The following UNC13C variants were observed in gnomAD, a reference collection of about 807,000 sequenced individuals.
UNC13C encodes the protein protein unc-13 homolog C.
Under a neutral mutation model 245.4 loss-of-function variants are expected in UNC13C, and 174 were observed. The observed-to-expected ratio is 0.71, with a 90% CI of 0.63 to 0.80. The LOEUF is 0.80. Among genes scored for constraint, UNC13C ranks in the 30% least tolerant of loss-of-function variants. The pLI, the probability that UNC13C is intolerant of heterozygous loss-of-function variation, is 0.00. For missense variants in UNC13C, 2,829 were observed against 2,602.9 expected (o/e 1.09, Z -1.89); for synonymous variants, 992 against 895.1 (o/e 1.11, Z -1.93).
chr15:54,484,090 A>AG (rs1487444052), intron 19 of UNC13C, among the ~76,000 whole-genome samples: 1 of 151,864 alleles, frequency 6.6e-6, no homozygotes, highest in Non-Finnish European at 1.5e-5. Flanking sequence ...CTGAAAAAAA[A>AG]AAACCAGCAT....
intron 30 of UNC13C, among the ~76,000 whole-genome samples, chr15:54,587,986 C>A (rs1212892050): frequency 6.6e-6 from 1 of 152,136 alleles, no homozygotes; most frequent in Admixed American, 6.5e-5. Context: ...GGGCACAATG[C>A]ATGGGTGAAT....
At chr15:54,276,644 G>A (rs11635242) in intron 10 of UNC13C, among the ~76,000 whole-genome samples, 81,349 of 151,876 alleles carry the variant, frequency 0.54, 23,563 homozygotes, top group African/African-American at 0.76. Context: ...TAATGGGCTA[G>A]TTAGGATGTA....
At chr15:54,219,003 C>T (rs8026107) in intron 4 of UNC13C, among the ~76,000 whole-genome samples, 20,921 of 150,970 alleles carry the variant, frequency 0.14, 1,394 homozygotes, top group South Asian at 0.2. Flanking sequence ...GAATCAATAT[C>T]GTGAAAATGG....
At chr15:53,916,670 C>T in the UNC13C span, among the ~76,000 whole-genome samples, 4 of 152,194 alleles carry the variant, frequency 2.6e-5, no homozygotes, top group African/African-American at 9.6e-5. Flanking sequence ...ATGTGGATTG[C>T]TGGGCTTAAC....
intron 1 of UNC13C, among the ~76,000 whole-genome samples, chr15:53,980,055 C>G (rs969227549): frequency 1.3e-5 from 2 of 152,040 alleles, no homozygotes; most frequent in East Asian, 1.9e-4. Flanking sequence ...CTCTAGGACC[C>G]TGGCTTTTAA....
intron 30 of UNC13C, among the ~76,000 whole-genome samples, chr15:54,581,467 G>T (rs1167536881): frequency 2.6e-5 from 4 of 152,174 alleles, no homozygotes; most frequent in Non-Finnish European, 5.9e-5. Flanking sequence ...TTCTGATGAG[G>T]GCTCTCCTCC....
chr15:54,108,401 A>T (rs1200092000), intron 2 of UNC13C, among the ~76,000 whole-genome samples: 1 of 152,024 alleles, frequency 6.6e-6, no homozygotes, highest in African/African-American at 2.4e-5. Flanking sequence ...GTTAGCCAGG[A>T]TGGTCTCAGT....
At position 54,576,212 on chromosome 15, in the gene UNC13C, A is replaced by G. The variant is rs1897949775; in HGVS notation, c.6106+8265A>G. ...AGATTTTACTCACAAATAGATTTTT[A>G]AAACTTGCTAAGGTAGTTGGTCAAG... is the stretch of plus-strand genomic sequence containing the variant. On this transcript the variant is annotated intron_variant, in intron 30 of 32. Coordinates refer to ENST00000260323, the MANE Select transcript of UNC13C (RefSeq NM_001080534.3). Among the ~76,000 whole-genome samples the G allele has an allele frequency of 5.9e-5, 9 of 152,214 alleles. 1 individual carries two copies. In the South Asian group the frequency reaches 1.9e-3, roughly 32 times the overall value.
At chr15:54,486,524 T>G (rs1274859912) in intron 19 of UNC13C, among the ~76,000 whole-genome samples, 1 of 152,136 alleles carries the variant, frequency 6.6e-6, no homozygotes, top group Admixed American at 6.5e-5. Context: ...AAATATATGT[T>G]GTATAAAGGA....
At chr15:54,171,301 A>G (rs1195785048) in intron 4 of UNC13C, among the ~76,000 whole-genome samples, 2 of 152,202 alleles carry the variant, frequency 1.3e-5, no homozygotes, top group African/African-American at 4.8e-5. Context: ...AACAATCAGC[A>G]AAGTGAAGAG....
intron 10 of UNC13C, among the ~76,000 whole-genome samples, chr15:54,270,710 A>C (rs1390875403): frequency 6.6e-6 from 1 of 152,134 alleles, no homozygotes; most frequent in Non-Finnish European, 1.5e-5. Flanking sequence ...CAGAGAACTG[A>C]GACTGGGAAA....
At chr15:53,954,410 T>C in the UNC13C span, among the ~76,000 whole-genome samples, 63 of 152,194 alleles carry the variant, frequency 4.1e-4, no homozygotes, top group Non-Finnish European at 7.6e-4. Flanking sequence ...TAGTACCTGG[T>C]ATTTGCCAAG....
Position 54,399,332 on chromosome 15 carries a change from G to A in UNC13C, c.4847+6151G>A, listed in dbSNP as rs1002263085. 1.1e-4 allele frequency among the ~76,000 whole-genome samples: 17 copies of A among 151,742 alleles called. No homozygotes were observed. In the East Asian group the frequency reaches 2.3e-3, roughly 21 times the overall value. ...TAAGAAAGTCCTTTAGGTTGATATCGATTAAATACATAATGTAGAGAAGTT... is the reference window on the plus strand; with the variant it reads ...TAAGAAAGTCCTTTAGGTTGATATCAATTAAATACATAATGTAGAGAAGTT... On this transcript the variant is annotated intron_variant, in intron 18 of 32. Coordinates refer to ENST00000260323, the MANE Select transcript of UNC13C (RefSeq NM_001080534.3).
intron 19 of UNC13C, among the ~76,000 whole-genome samples, chr15:54,433,025 T>C (rs543976891): frequency 4.6e-5 from 7 of 151,964 alleles, no homozygotes; most frequent in East Asian, 3.9e-4. Flanking sequence ...AACACATATA[T>C]CTTCCAAGAC....
chr15:54,333,279 T>C (rs1228069234), intron 15 of UNC13C, among the ~76,000 whole-genome samples: 2 of 152,102 alleles, frequency 1.3e-5, no homozygotes, highest in African/African-American at 4.8e-5. Flanking sequence ...TTTTTTAAAA[T>C]CCATAGTATT....
chr15:54,042,247 T>A (rs112527154), intron 2 of UNC13C, among the ~76,000 whole-genome samples: 2 of 152,334 alleles, frequency 1.3e-5, no homozygotes, highest in African/African-American at 4.8e-5. Context: ...AGAAAAATCT[T>A]ATTTTTGACA....
chr15:54,199,263 C>T (rs2034449211), intron 4 of UNC13C, among the ~76,000 whole-genome samples: 2 of 152,134 alleles, frequency 1.3e-5, no homozygotes, highest in African/African-American at 4.8e-5. Flanking sequence ...GTTTGGAAAA[C>T]ATTTTTGAGG....
At chr15:54,222,248 C>A (rs1157672686) in intron 4 of UNC13C, among the ~76,000 whole-genome samples, 1 of 151,950 alleles carries the variant, frequency 6.6e-6, no homozygotes, top group South Asian at 2.1e-4. Context: ...CTCCACCCAC[C>A]CCTACCCTTC....
At chr15:54,560,681 T>G (rs764100446) in intron 29 of UNC13C, among the ~76,000 whole-genome samples, 1 of 151,902 alleles carries the variant, frequency 6.6e-6, no homozygotes, top group African/African-American at 2.4e-5. Flanking sequence ...GGCTATGAAT[T>G]ACAAAAGTAA....
Sources: allele counts gnomAD v4.1 joint callset (sites outside exome capture counted in the v4.1 genomes callset), GRCh38; gene constraint gnomAD v4.1.1; transcripts MANE v1.5; gene names NCBI Gene and HGNC (gene_info 2026-07-23, HGNC 2026-07-21).